DPY19L1: variants seen among roughly 807,000 people sequenced by gnomAD.
DPY19L1 encodes protein C-mannosyl-transferase DPY19L1.
A neutral mutation model predicts 96.9 loss-of-function variants in DPY19L1; 35 were observed. That is an observed-to-expected ratio of 0.36 (90% confidence interval 0.28 to 0.48). The LOEUF (loss-of-function observed/expected upper bound fraction) is 0.48. Ranked by LOEUF, DPY19L1 falls within the 20% of genes least tolerant of loss-of-function variation. The pLI is 0.99. For synonymous variants in DPY19L1, 205 were observed against 252.6 expected, an observed-to-expected ratio of 0.81 and a Z score of 1.79; for missense variants, 521 against 777.9, an observed-to-expected ratio of 0.67 and a Z score of 3.93.
intron 7 of DPY19L1, among the ~76,000 whole-genome samples, chr7:34,984,426 G>A (rs62461956): frequency 0.19 from 29,219 of 152,112 alleles, 3,193 homozygotes; most frequent in Admixed American, 0.35. Flanking sequence ...AGAAAGAAGG[G>A]CCAATAGGGC....
At chr7:34,982,714 C>A (rs1321996897) in intron 7 of DPY19L1, among the ~76,000 whole-genome samples, 4 of 152,174 alleles carry the variant, frequency 2.6e-5, no homozygotes. Context: ...AAATAAGAAT[C>A]TGAAAAAGGT....
intron 18 of DPY19L1, 139 bp from the exon 19 acceptor site, chr7:34,940,466 C>CA: frequency 1.5e-6 from 1 of 660,468 alleles, no homozygotes; most frequent in South Asian, 3.2e-5. Flanking sequence ...GAAAAAGCCC[C>CA]AAAATAATAA....
rs199765254 is a variant in DPY19L1 at position 35,011,488 on chromosome 7, A to G, written c.550-38T>C. On this transcript the variant is annotated intron_variant, in intron 4 of 21. Transcript: ENST00000638088. ...ATACAGAGGCATCTTAAGAAAATAT[A>G]CTAAACAATTTTCATTACTAGAATA... 515 of 1,546,428 alleles carry G rather than the reference A, an allele frequency of 3.3e-4. 3 individuals are homozygous for G. The highest frequency in any genetic ancestry group is 7.6e-5 in the Non-Finnish European group (87 of 1,142,430).
intron 1 of DPY19L1, among the ~76,000 whole-genome samples, chr7:35,020,221 T>C (rs1785962790): frequency 6.6e-6 from 1 of 152,252 alleles, no homozygotes; most frequent in Non-Finnish European, 1.5e-5. Flanking sequence ...GAATAAATTA[T>C]TTTTCTCCCA....
chr7:34,972,786 G>A (rs1025589221), intron 8 of DPY19L1, among the ~76,000 whole-genome samples: 1 of 152,138 alleles, frequency 6.6e-6, no homozygotes, highest in African/African-American at 2.4e-5. Context: ...GAGCTACACA[G>A]ACTTTAAAAA....
chr7:34,996,308 T>C (rs1785283083), intron 6 of DPY19L1, among the ~76,000 whole-genome samples: 1 of 152,216 alleles, frequency 6.6e-6, no homozygotes, highest in African/African-American at 2.4e-5. Context: ...CAGGACCATG[T>C]GTTCAGGTGA....
At chr7:34,950,948 T>G (rs1784255633) in intron 13 of DPY19L1, among the ~76,000 whole-genome samples, 1 of 152,084 alleles carries the variant, frequency 6.6e-6, no homozygotes, top group East Asian at 1.9e-4. Context: ...CTTAAAAGTA[T>G]GCTGAAAGGT....
At chr7:34,964,523 G>A (rs575602086) in intron 10 of DPY19L1, among the ~76,000 whole-genome samples, 22 of 152,194 alleles carry the variant, frequency 1.4e-4, no homozygotes, top group African/African-American at 4.1e-4. Context: ...TGAATCCAGC[G>A]ACATGCAAAA....
intron 1 of DPY19L1, among the ~76,000 whole-genome samples, chr7:35,027,888 C>T (rs982259941): frequency 3.3e-5 from 5 of 152,054 alleles, no homozygotes; most frequent in African/African-American, 9.7e-5. Context: ...GAAGAAACTA[C>T]TGCCCCTAGT....
chr7:35,023,599 T>A (rs1786046053), intron 1 of DPY19L1, among the ~76,000 whole-genome samples: 1 of 152,176 alleles, frequency 6.6e-6, no homozygotes, highest in Non-Finnish European at 1.5e-5. Flanking sequence ...TTCACAATAA[T>A]CTTGTGAGTA....
intron 1 of DPY19L1, among the ~76,000 whole-genome samples, chr7:35,030,209 A>G (rs142630935): frequency 6.6e-6 from 1 of 152,386 alleles, no homozygotes; most frequent in East Asian, 1.9e-4. Context: ...TATATTATAA[A>G]AAGTAGTAAT....
chr7:34,967,180 C>T (rs1784629243), intron 9 of DPY19L1, among the ~76,000 whole-genome samples: 1 of 152,136 alleles, frequency 6.6e-6, no homozygotes, highest in Non-Finnish European at 1.5e-5. Flanking sequence ...ACACAGCTTT[C>T]TCAATCATGT....
At chr7:34,998,287 C>A (rs1385079422) in intron 6 of DPY19L1, among the ~76,000 whole-genome samples, 3 of 152,090 alleles carry the variant, frequency 2.0e-5, no homozygotes, top group Admixed American at 1.3e-4. Flanking sequence ...TGGGTAGAGA[C>A]AACGGTAAAA....
intron 7 of DPY19L1, among the ~76,000 whole-genome samples, chr7:34,981,903 T>C (rs1171721522): frequency 6.6e-6 from 1 of 152,112 alleles, no homozygotes; most frequent in African/African-American, 2.4e-5. Flanking sequence ...TGAGCCAAAA[T>C]TGTGCCACTG....
chr7:34,977,934 A>G (rs966552434), intron 7 of DPY19L1, among the ~76,000 whole-genome samples: 2 of 152,170 alleles, frequency 1.3e-5, no homozygotes, highest in African/African-American at 4.8e-5. Context: ...TATAATTTTT[A>G]GCACACATTT....
chr7:34,944,656 AAGAT>A (rs1191846784), intron 16 of DPY19L1, among the ~76,000 whole-genome samples: 1 of 152,216 alleles, frequency 6.6e-6, no homozygotes, highest in Non-Finnish European at 1.5e-5. Flanking sequence ...TATTTCCAGA[AAGAT>A]AGCCTAACAT....
chr7:34,964,627 A>G (rs1050091444), intron 10 of DPY19L1, among the ~76,000 whole-genome samples: 10 of 152,308 alleles, frequency 6.6e-5, no homozygotes, highest in African/African-American at 2.4e-4. Context: ...GGGGAAATAC[A>G]CCGATTCATC....
chr7:34,942,648 G>GA lies in DPY19L1; in HGVS notation c.1545-10dup. On this transcript the variant is annotated splice_polypyrimidine_tract_variant and intron_variant, in intron 16 of 21. Transcript: ENST00000638088. ...GATCAAACTGGTGTTTTCTGGAACA[G>GA]AAAAAAATATATTGCCATCAATTCA... The GA allele has an allele frequency of 1.9e-6, 3 of 1,584,766 alleles. No individual in the cohort carries two copies. Among genetic ancestry groups the GA allele is most frequent in the Non-Finnish European group, 2.6e-6 (3 of 1,168,036 alleles).
chr7:34,989,893 A>G lies in DPY19L1; in HGVS notation c.813T>C (p.Asn271=). The G allele has an allele frequency of 1.2e-6, 2 of 1,604,236 alleles. No individual in the cohort carries two copies. Among genetic ancestry groups the G allele is most frequent in the Non-Finnish European group, 1.7e-6 (2 of 1,176,838 alleles). The change falls in exon 7 of 22, where the codon AAT becomes AAC. Residue 271 remains asparagine (N), a synonymous_variant. Transcript: ENST00000638088. ...GTTTTTGATTACCTACCTCTCCATG[A>G]TTGAAAAAGAAGCACAACACTGTAA... is the stretch of plus-strand genomic sequence containing the variant. ...GLVTVLCFFF[N]HGECTRVMWT... is the part of the protein sequence containing the mutation.
Sources: allele counts gnomAD v4.1 joint callset (sites outside exome capture counted in the v4.1 genomes callset), GRCh38; gene constraint gnomAD v4.1.1; transcripts MANE v1.5; gene names NCBI Gene and HGNC (gene_info 2026-07-23, HGNC 2026-07-21).